Variants in EDIL3 observed in about 807,000 individuals in gnomAD.
EDIL3 encodes EGF like and discoidin domains 3, also known as EGF-like repeat and discoidin I-like domain-containing protein 3.
Under a neutral mutation model 67.4 loss-of-function variants are expected in EDIL3, and 37 were observed. The ratio of observed to expected loss-of-function variants is 0.55; its 90% confidence interval spans 0.42 to 0.72. The LOEUF is 0.72. Among genes scored for constraint, EDIL3 ranks in the 30% least tolerant of loss-of-function variants. EDIL3 has a pLI of 0.00. For synonymous variants in EDIL3, 195 were observed against 196.3 expected, an observed-to-expected ratio of 0.99 and a Z score of 0.05; for missense variants, 527 against 586.3, an observed-to-expected ratio of 0.90 and a Z score of 1.04.
intron 4 of EDIL3, among the ~76,000 whole-genome samples, chr5:84,149,692 A>G (rs1299206802): frequency 6.6e-6 from 1 of 152,118 alleles, no homozygotes; most frequent in African/African-American, 2.4e-5. Flanking sequence ...ATATATTAAA[A>G]TTAGCAGAGA....
intron 1 of EDIL3, among the ~76,000 whole-genome samples, chr5:84,309,678 A>C (rs569082768): frequency 2.6e-5 from 4 of 152,162 alleles, no homozygotes; most frequent in African/African-American, 9.6e-5. Context: ...TGAACTCATC[A>C]TTTTTTATGG....
chr5:84,186,143 T>C (rs368076882), intron 3 of EDIL3, among the ~76,000 whole-genome samples: 26 of 152,212 alleles, frequency 1.7e-4, no homozygotes, highest in African/African-American at 6.3e-4. Context: ...TGGAAAAGTT[T>C]TGACTTTGTG....
chr5:84,039,594 C>G (rs1414005018), intron 9 of EDIL3, among the ~76,000 whole-genome samples: 1 of 152,110 alleles, frequency 6.6e-6, no homozygotes, highest in Non-Finnish European at 1.5e-5. Context: ...ATCATTATAT[C>G]AGCATCATAA....
At chr5:84,103,934 A>G (rs1747412900) in intron 6 of EDIL3, among the ~76,000 whole-genome samples, 2 of 152,114 alleles carry the variant, frequency 1.3e-5, no homozygotes, top group African/African-American at 4.8e-5. Flanking sequence ...TCACTGTAGC[A>G]CCATTCACAA....
intron 4 of EDIL3, among the ~76,000 whole-genome samples, chr5:84,152,128 C>T (rs1748406095): frequency 6.6e-6 from 1 of 151,832 alleles, no homozygotes. Context: ...CCATGTTGGC[C>T]AGGCTGGTCT....
intron 9 of EDIL3, among the ~76,000 whole-genome samples, chr5:83,992,361 G>C (rs956657997): frequency 2.6e-5 from 4 of 152,064 alleles, no homozygotes; most frequent in Non-Finnish European, 5.9e-5. Flanking sequence ...CAATTATCAG[G>C]TTGATTTAGA....
intron 1 of EDIL3, among the ~76,000 whole-genome samples, chr5:84,363,593 A>T (rs539266537): frequency 1.3e-5 from 2 of 152,320 alleles, no homozygotes; most frequent in Admixed American, 6.5e-5. Flanking sequence ...AGTGCAACTG[A>T]TACTGTATTA....
chr5:84,014,134 C>T (rs1057120245), intron 9 of EDIL3, among the ~76,000 whole-genome samples: 8 of 152,194 alleles, frequency 5.3e-5, no homozygotes, highest in Admixed American at 4.6e-4. Context: ...CTATGCTTAA[C>T]AGGATTTTTC....
intron 1 of EDIL3, among the ~76,000 whole-genome samples, chr5:84,297,141 C>G (rs1274021476): frequency 6.9e-6 from 1 of 145,386 alleles, no homozygotes; most frequent in Non-Finnish European, 1.5e-5. Context: ...GAGATTACAC[C>G]ACTGCACTCC....
At chr5:83,987,871 A>G (rs200684807) in intron 9 of EDIL3, among the ~76,000 whole-genome samples, 40 of 49,042 alleles carry the variant, frequency 8.2e-4, no homozygotes, top group East Asian at 2.5e-3. Flanking sequence ...GTGTGTATGT[A>G]TATATATATA....
chr5:84,288,055 G>C (rs568997343), intron 1 of EDIL3, among the ~76,000 whole-genome samples: 1 of 152,218 alleles, frequency 6.6e-6, no homozygotes, highest in African/African-American at 2.4e-5. Flanking sequence ...TGACTAATCT[G>C]CATCTCAAAT....
At chr5:84,002,352 A>G (rs900505347) in intron 9 of EDIL3, among the ~76,000 whole-genome samples, 1 of 152,182 alleles carries the variant, frequency 6.6e-6, no homozygotes, top group African/African-American at 2.4e-5. Context: ...AAAAAAACTG[A>G]AAGTATTTTC....
At chr5:84,238,709 G>A (rs1216281175) in intron 2 of EDIL3, among the ~76,000 whole-genome samples, 1 of 112,010 alleles carries the variant, frequency 8.9e-6, no homozygotes. Context: ...CTTCTTGAAA[G>A]GAAAATAGTG....
At chr5:84,168,214 T>A (rs562196304) in intron 4 of EDIL3, among the ~76,000 whole-genome samples, 8 of 152,188 alleles carry the variant, frequency 5.3e-5, no homozygotes, top group Non-Finnish European at 1.0e-4. Context: ...TGATGTTCTA[T>A]TTTTTAAAAT....
chr5:83,967,331 A>C (rs1312137868), intron 9 of EDIL3, among the ~76,000 whole-genome samples: 1 of 152,124 alleles, frequency 6.6e-6, no homozygotes, highest in African/African-American at 2.4e-5. Context: ...AAAATAAATA[A>C]AATAAATAAA....
intron 1 of EDIL3, among the ~76,000 whole-genome samples, chr5:84,308,028 A>G (rs1746308359): frequency 6.6e-6 from 1 of 152,210 alleles, no homozygotes. Context: ...TTTTAGAGAT[A>G]TAATTCTGCC....
At chr5:84,327,888 G>A (rs74877749) in intron 1 of EDIL3, among the ~76,000 whole-genome samples, 3,249 of 151,970 alleles carry the variant, frequency 0.021, 44 homozygotes, top group Non-Finnish European at 0.032. Flanking sequence ...TTCCTCCTTC[G>A]CCCCTTGAGA....
chr5:83,971,486 T>C (rs1258943630), intron 9 of EDIL3, among the ~76,000 whole-genome samples: 1 of 151,950 alleles, frequency 6.6e-6, no homozygotes, highest in Non-Finnish European at 1.5e-5. Context: ...CAGGTTGGTG[T>C]TGAACTCCTG....
intron 1 of EDIL3, among the ~76,000 whole-genome samples, chr5:84,327,354 G>T (rs1746784777): frequency 6.6e-6 from 1 of 151,368 alleles, no homozygotes; most frequent in Non-Finnish European, 1.5e-5. Flanking sequence ...GATTTTCCTT[G>T]CCAGAAATTC....
Sources: allele counts gnomAD v4.1 joint callset (sites outside exome capture counted in the v4.1 genomes callset), GRCh38; gene constraint gnomAD v4.1.1; transcripts MANE v1.5; gene names NCBI Gene and HGNC (gene_info 2026-07-23, HGNC 2026-07-21).